The following TOX3 variants were observed in gnomAD, a reference collection of about 807,000 sequenced individuals.
TOX3 encodes CAG trinucleotide repeat-containing gene F9 protein.
TOX3 carries 22 observed loss-of-function variants against 64.3 expected under a neutral mutation model. The ratio of observed to expected loss-of-function variants is 0.34; its 90% CI spans 0.24 to 0.49. TOX3 has a LOEUF of 0.49. Ranked by LOEUF, TOX3 falls within the 20% of genes least tolerant of loss-of-function variation. The probability of loss-of-function intolerance (pLI) is 0.99; values close to 1 mark genes in which losing one functional copy is unlikely to be tolerated. For missense variants in TOX3, 661 were observed against 714.4 expected (o/e 0.93, Z 0.85); for synonymous variants, 291 against 273.6 (o/e 1.06, Z -0.63).
chr16:52,492,898 C>CA (rs71777089), intron 1 of TOX3, among the ~76,000 whole-genome samples: 1,548 of 132,512 alleles, frequency 0.012, 18 homozygotes, highest in African/African-American at 0.037. Context: ...AACCCAACTG[C>CA]AAAAAAAAAA....
Position 52,444,228 on chromosome 16 carries a change from TC to T in TOX3, c.987+47del, listed in dbSNP as rs757324777. ...TGTTTTCAATGCTTGAGGGCTGTTT[TC>T]CACGCTGTGACTATTTTGGAGCCTG... On this transcript the variant is annotated intron_variant, in intron 6 of 6. Coordinates refer to ENST00000219746, the MANE Select transcript of TOX3 (RefSeq NM_001080430.4). 4.2e-6 allele frequency: 6 copies of T among 1,439,640 alleles called. No homozygotes were observed. In the South Asian group the frequency reaches 5.5e-5, roughly 13 times the overall value. The allele number at this position is 1,439,640 out of a possible 1,614,324, so 89.2% of individuals were successfully genotyped here. A position where few individuals can be genotyped will look rare whatever the true frequency, so the allele number is the denominator to read the frequency against.
upstream of TOX3, among the ~76,000 whole-genome samples, chr16:52,547,192 G>C (rs1258873262): frequency 2.0e-5 from 2 of 101,998 alleles, no homozygotes; most frequent in African/African-American, 7.4e-5. Context: ...CTCAGCCGCC[G>C]GTCCCCTCCC....
chr16:52,446,757 G>A (rs1960176287), intron 4 of TOX3, among the ~76,000 whole-genome samples: 1 of 151,992 alleles, frequency 6.6e-6, no homozygotes, highest in Admixed American at 6.6e-5. Flanking sequence ...TCAAATGGAA[G>A]TTAGCTCCAA....
chr16:52,474,553 G>C (rs956449845), intron 1 of TOX3, among the ~76,000 whole-genome samples: 1 of 151,902 alleles, frequency 6.6e-6, no homozygotes, highest in East Asian at 1.9e-4. Flanking sequence ...GGAGTTTGAG[G>C]CTGCAATAAG....
At chr16:52,545,098 G>C (rs1183585242) in intron 1 of TOX3, among the ~76,000 whole-genome samples, 4 of 152,234 alleles carry the variant, frequency 2.6e-5, no homozygotes, top group Non-Finnish European at 4.4e-5. Context: ...CCCTTACTGA[G>C]CATACATGGG....
chr16:52,464,072 G>A lies in TOX3; in HGVS notation c.270C>T (p.Ala90=), dbSNP rs767588575. 1 of 1,604,088 alleles carries A rather than the reference G, an allele frequency of 6.2e-7. No individual in the cohort carries two copies. The highest frequency in any genetic ancestry group is 1.1e-5 in the South Asian group (1 of 88,828). Residue 90 remains alanine, a synonymous_variant, in exon 3 of 7, where the codon GCC becomes GCT. Coordinates refer to ENST00000219746, the MANE Select transcript of TOX3 (RefSeq NM_001080430.4). ...CCTGGGAAGGCAATGGATCGCTGAG[G>A]GCTTGAAAGGGTAGCAGTACATCCG... The part of the protein sequence containing the change: ...GMPDVLLPFQ[A]LSDPLPSQGS...
At chr16:52,525,216 GT>G (rs1235325517) in intron 1 of TOX3, among the ~76,000 whole-genome samples, 1 of 152,078 alleles carries the variant, frequency 6.6e-6, no homozygotes, top group Non-Finnish European at 1.5e-5. Context: ...GGCTATTCAT[GT>G]ATCTTCTTTG....
intron 1 of TOX3, among the ~76,000 whole-genome samples, chr16:52,483,516 G>A (rs540741904): frequency 8.7e-5 from 13 of 149,818 alleles, no homozygotes; most frequent in South Asian, 6.3e-4. Context: ...CCCATTCACC[G>A]TTGGGTAAAA....
chr16:52,526,960 C>A (rs1962739677), intron 1 of TOX3, among the ~76,000 whole-genome samples: 1 of 152,114 alleles, frequency 6.6e-6, no homozygotes, highest in Non-Finnish European at 1.5e-5. Flanking sequence ...TCCTACACAC[C>A]AGGCACAGTG....
intron 1 of TOX3, among the ~76,000 whole-genome samples, chr16:52,520,652 C>T (rs1479802285): frequency 6.6e-6 from 1 of 152,164 alleles, no homozygotes; most frequent in Non-Finnish European, 1.5e-5. Context: ...TCCCTTATTA[C>T]ATAATACCTC....
At chr16:52,498,066 G>T (rs1397210028) in intron 1 of TOX3, among the ~76,000 whole-genome samples, 1 of 152,020 alleles carries the variant, frequency 6.6e-6, no homozygotes, top group Admixed American at 6.6e-5. Context: ...CCAATTATGT[G>T]ACCAAATCAC....
At chr16:52,513,287 T>TGG (rs1186010339) in intron 1 of TOX3, among the ~76,000 whole-genome samples, 2 of 152,212 alleles carry the variant, frequency 1.3e-5, no homozygotes, top group Non-Finnish European at 2.9e-5. Context: ...GTTACTTCTG[T>TGG]GTTATAGAAA....
chr16:52,517,300 T>C (rs1962484604), intron 1 of TOX3, among the ~76,000 whole-genome samples: 3 of 152,208 alleles, frequency 2.0e-5, no homozygotes, highest in South Asian at 4.1e-4. Flanking sequence ...TTGACATTCA[T>C]ACAACTTTGA....
intron 1 of TOX3, among the ~76,000 whole-genome samples, chr16:52,504,250 A>C (rs962588289): frequency 2.0e-5 from 3 of 152,016 alleles, no homozygotes; most frequent in Non-Finnish European, 2.9e-5. Context: ...GCGGATCACT[A>C]GGTCAGGAGA....
At chr16:52,504,783 T>C (rs926584602) in intron 1 of TOX3, among the ~76,000 whole-genome samples, 1 of 152,062 alleles carries the variant, frequency 6.6e-6, no homozygotes, top group Admixed American at 6.6e-5. Flanking sequence ...AGAAGTCCAA[T>C]GGAATGGCAG....
rs1239940521 is a variant in TOX3 at position 52,439,784 on chromosome 16, C to T, written c.1172G>A (p.Arg391Lys). The change falls in exon 7 of 7, where the codon AGA (arginine) becomes AAA (lysine). Residue 391 changes from arginine to lysine, a missense_variant. By Grantham distance (26) the Arg-to-Lys change is conservative. This residue lies in a region of TOX3 where 299 missense variants were observed against 292.1 expected (regional missense o/e 1.02). Coordinates refer to ENST00000219746, the MANE Select transcript of TOX3 (RefSeq NM_001080430.4). Reference sequence around the variant, plus strand: ...TGTGACAATCTGGTTCATGGGGAGTCTCATGGTTAAGGGTTTGGGAGCGAT... The same window carrying T: ...TGTGACAATCTGGTTCATGGGGAGTTTCATGGTTAAGGGTTTGGGAGCGAT... ...RSIAPKPLTM[R>K]LPMNQIVTSV... The T allele has an allele frequency of 6.2e-7, 1 of 1,613,878 alleles. No homozygotes were observed. Among genetic ancestry groups the T allele is most frequent in the Admixed American group, 1.7e-5 (1 of 60,006 alleles).
At chr16:52,453,463 C>G (rs1313379119) in intron 3 of TOX3, among the ~76,000 whole-genome samples, 1 of 152,154 alleles carries the variant, frequency 6.6e-6, no homozygotes, top group Non-Finnish European at 1.5e-5. Context: ...GGATTACAGG[C>G]ATGAGGCACC....
chr16:52,547,749 C>T (rs1392153101), upstream of TOX3: 1 of 152,308 alleles, frequency 6.6e-6, no homozygotes, highest in African/African-American at 2.4e-5. Flanking sequence ...TGGGGCCTGA[C>T]CTTTCACAGG....
intron 1 of TOX3, among the ~76,000 whole-genome samples, chr16:52,501,430 G>C (rs1322753002): frequency 6.6e-6 from 1 of 152,166 alleles, no homozygotes; most frequent in Non-Finnish European, 1.5e-5. Flanking sequence ...CCAGCACTTT[G>C]GGAGGCTGAG....
Sources: allele counts gnomAD v4.1 joint callset (sites outside exome capture counted in the v4.1 genomes callset), GRCh38; gene constraint gnomAD v4.1.1; regional missense constraint gnomAD v4.1.1; transcripts MANE v1.5; gene names NCBI Gene and HGNC (gene_info 2026-07-23, HGNC 2026-07-21).